PHACTR1: variants seen among roughly 807,000 people sequenced by gnomAD.
The protein encoded by PHACTR1 is phosphatase and actin regulator 1.
Under a neutral mutation model 69.2 loss-of-function variants are expected in PHACTR1, and 16 were observed. The observed-to-expected ratio is 0.23, with a 90% confidence interval of 0.16 to 0.35. The LOEUF (loss-of-function observed/expected upper bound fraction) is 0.35, where lower values mean the gene tolerates loss of function less well. PHACTR1 is among the 10% of genes least tolerant of loss of function. The pLI is 1.00. For missense variants in PHACTR1, 510 were observed against 734.7 expected (o/e 0.69, Z 3.54); for synonymous variants, 312 against 284.5 (o/e 1.10, Z -0.97).
intron 4 of PHACTR1, among the ~76,000 whole-genome samples, chr6:12,928,442 G>A (rs1375555065): frequency 6.6e-6 from 1 of 152,170 alleles, no homozygotes; most frequent in Non-Finnish European, 1.5e-5. Flanking sequence ...ACTAGGGCAT[G>A]ATGGGATTTG....
rs563142903 is a variant in PHACTR1 at position 13,177,806 on chromosome 6, C to T, written c.497-4713C>T. ...GTATGGGTAAGCTCCAGGGCCCTGGCAGCAGCCTACTGAGCAGTTGTTTCT... is the reference window on the plus strand; with the variant it reads ...GTATGGGTAAGCTCCAGGGCCCTGGTAGCAGCCTACTGAGCAGTTGTTTCT... On this transcript the variant is annotated intron_variant, in intron 6 of 14. Transcript: ENST00000332995. 7.9e-5 allele frequency among the ~76,000 whole-genome samples: 12 copies of T among 152,314 alleles called. No individual in the cohort carries two copies. The South Asian group carries it at 2.3e-3, about 29-fold the overall frequency.
At chr6:13,250,872 G>A (rs1018716642) in intron 10 of PHACTR1, among the ~76,000 whole-genome samples, 12 of 152,246 alleles carry the variant, frequency 7.9e-5, no homozygotes, top group Non-Finnish European at 4.4e-5. Context: ...GATAGGAAGA[G>A]ATGTGGCAAG....
At chr6:12,797,515 A>G (rs1773185525) in intron 4 of PHACTR1, among the ~76,000 whole-genome samples, 1 of 152,098 alleles carries the variant, frequency 6.6e-6, no homozygotes, top group Non-Finnish European at 1.5e-5. Context: ...AGTATTTTGG[A>G]GCCTACAGAC....
intron 4 of PHACTR1, among the ~76,000 whole-genome samples, chr6:12,881,981 A>C (rs930788823): frequency 3.3e-5 from 5 of 152,162 alleles, no homozygotes; most frequent in African/African-American, 9.7e-5. Flanking sequence ...CCTGAAGACC[A>C]AGGCAGAAGG....
chr6:13,251,302 G>A lies in PHACTR1; in HGVS notation c.1391+21109G>A, dbSNP rs187453589. 2.0e-3 allele frequency among the ~76,000 whole-genome samples: 311 copies of A among 152,328 alleles called. 3 individuals are homozygous for A. The highest frequency in any genetic ancestry group is 2.8e-3 in the Non-Finnish European group (189 of 68,036). On this transcript the variant is annotated intron_variant, in intron 10 of 14. Coordinates refer to ENST00000332995, the MANE Select transcript of PHACTR1 (RefSeq NM_030948.6). ...TGAGGGGAACGTTACACAATCAGTC[G>A]TTCCCTCAGGATGGAGGCAGGTGTT...
At chr6:12,929,055 G>C (rs1351526285) in intron 4 of PHACTR1, among the ~76,000 whole-genome samples, 4 of 152,158 alleles carry the variant, frequency 2.6e-5, no homozygotes, top group Non-Finnish European at 5.9e-5. Context: ...AAGCAAAGCC[G>C]GATCAGCTCC....
intron 5 of PHACTR1, among the ~76,000 whole-genome samples, chr6:13,064,462 TATA>T (rs907663546): frequency 6.7e-6 from 1 of 149,200 alleles, no homozygotes; most frequent in Admixed American, 6.7e-5. Flanking sequence ...GCAATGCAGA[TATA>T]ATAAGCAAAT....
chr6:13,045,555 C>T (rs757580933), intron 4 of PHACTR1, among the ~76,000 whole-genome samples: 1 of 152,216 alleles, frequency 6.6e-6, no homozygotes, highest in South Asian at 2.1e-4. Flanking sequence ...TAGAGCCACC[C>T]TCTTGCTTTC....
chr6:12,926,958 T>C (rs1392289088), intron 4 of PHACTR1, among the ~76,000 whole-genome samples: 1 of 152,232 alleles, frequency 6.6e-6, no homozygotes, highest in African/African-American at 2.4e-5. Flanking sequence ...TTCTGCCAGC[T>C]CCTGCAAGCC....
chr6:13,038,903 C>T (rs1457348659), intron 4 of PHACTR1, among the ~76,000 whole-genome samples: 1 of 152,158 alleles, frequency 6.6e-6, no homozygotes, highest in Admixed American at 6.5e-5. Flanking sequence ...GTCATCACTT[C>T]TCTGATCTAG....
intron 11 of PHACTR1, 160 bp downstream of exon 11, chr6:13,273,075 G>A (rs1388343999): frequency 2.8e-5 from 31 of 1,113,356 alleles, no homozygotes; most frequent in Non-Finnish European, 3.6e-5. Context: ...CACCAAAGAC[G>A]ACCTCCCCAA....
chr6:12,924,865 A>G (rs1451093256), intron 4 of PHACTR1, among the ~76,000 whole-genome samples: 1 of 152,112 alleles, frequency 6.6e-6, no homozygotes, highest in African/African-American at 2.4e-5. Flanking sequence ...AAAATGAAGA[A>G]GTGGTTTTTC....
intron 8 of PHACTR1, among the ~76,000 whole-genome samples, chr6:13,223,689 C>G (rs1385243050): frequency 6.6e-6 from 1 of 152,160 alleles, no homozygotes; most frequent in Non-Finnish European, 1.5e-5. Context: ...CCTTTACCAA[C>G]TGTGTCCTTG....
chr6:13,185,316 C>A (rs1225473993), intron 7 of PHACTR1, among the ~76,000 whole-genome samples: 1 of 152,150 alleles, frequency 6.6e-6, no homozygotes, highest in Non-Finnish European at 1.5e-5. Context: ...GAAATCGATT[C>A]AATGTCAACA....
At chr6:13,006,482 C>T (rs539809614) in intron 4 of PHACTR1, among the ~76,000 whole-genome samples, 18 of 152,156 alleles carry the variant, frequency 1.2e-4, no homozygotes, top group South Asian at 6.2e-4. Context: ...TTAATCTCAC[C>T]GATCTTCTGT....
intron 4 of PHACTR1, among the ~76,000 whole-genome samples, chr6:12,797,134 G>A (rs1365528784): frequency 1.3e-5 from 2 of 151,824 alleles, no homozygotes; most frequent in African/African-American, 2.4e-5. Context: ...CAGGAGTAAT[G>A]GAGATGCCTA....
At chr6:12,812,183 C>T (rs959363763) in intron 4 of PHACTR1, among the ~76,000 whole-genome samples, 1 of 152,140 alleles carries the variant, frequency 6.6e-6, no homozygotes, top group Non-Finnish European at 1.5e-5. Flanking sequence ...GTCCTAGCAA[C>T]AACCACTCCC....
At chr6:13,108,095 C>T (rs1328468357) in intron 5 of PHACTR1, among the ~76,000 whole-genome samples, 1 of 152,020 alleles carries the variant, frequency 6.6e-6, no homozygotes, top group Non-Finnish European at 1.5e-5. Flanking sequence ...TTATCCACTT[C>T]TGAATATTTT....
At chr6:13,026,443 T>C (rs1462436411) in intron 4 of PHACTR1, among the ~76,000 whole-genome samples, 1 of 152,060 alleles carries the variant, frequency 6.6e-6, no homozygotes, top group East Asian at 1.9e-4. Flanking sequence ...TATAGGAGGG[T>C]CAAGCTTTTT....
Sources: gnomAD v4.1 joint callset for allele counts (sites outside exome capture counted in the v4.1 genomes callset) on GRCh38, gnomAD v4.1.1 for gene constraint, MANE v1.5 for transcripts, NCBI Gene and HGNC (gene_info 2026-07-23, HGNC 2026-07-21) for gene names.